Variants in PCMT1 observed in about 807,000 individuals in gnomAD.
PCMT1 encodes the protein protein-L-isoaspartate(D-aspartate) O-methyltransferase.
PCMT1 carries 9 observed loss-of-function variants against 29.2 expected under a neutral mutation model. The ratio of observed to expected loss-of-function variants is 0.31; its 90% confidence interval spans 0.19 to 0.54. The LOEUF is 0.54. PCMT1 is among the 20% of genes least tolerant of loss of function. The pLI, the probability that PCMT1 is intolerant of heterozygous loss-of-function variation, is 0.95. For synonymous variants in PCMT1, 98 were observed against 97.5 expected, an observed-to-expected ratio of 1.00 and a Z score of -0.03; for missense variants, 184 against 282.2, an observed-to-expected ratio of 0.65 and a Z score of 2.49.
intron 1 of PCMT1, chr6:149,750,186 G>GCCCCCACCAGCAGCGGC: frequency 1.6e-6 from 1 of 616,682 alleles, no homozygotes; most frequent in Non-Finnish European, 2.8e-6. Context: ...AGGGGCCGCT[G>GCCCCCACCAGCAGCGGC]CTGGTGGGGG....
intron 3 of PCMT1, among the ~76,000 whole-genome samples, chr6:149,783,950 C>T (rs1204843289): frequency 2.0e-5 from 3 of 152,206 alleles, no homozygotes; most frequent in Non-Finnish European, 4.4e-5. Flanking sequence ...CCACTTTGGC[C>T]TTTCAGAGCA....
intron 1 of PCMT1, among the ~76,000 whole-genome samples, chr6:149,750,537 A>G (rs954391204): frequency 3.9e-5 from 6 of 152,062 alleles, no homozygotes; most frequent in African/African-American, 9.7e-5. Context: ...GCTGGGAGAA[A>G]TTTCTCGGGC....
chr6:149,771,316 G>T (rs1292757539), intron 2 of PCMT1, 50 bp downstream of exon 2: 4 of 1,176,240 alleles, frequency 3.4e-6, no homozygotes. Flanking sequence ...TTTACTTTAT[G>T]ATTTTTGGAA....
intron 7 of PCMT1, among the ~76,000 whole-genome samples, chr6:149,804,880 T>C (rs1347125607): frequency 2.0e-5 from 3 of 152,092 alleles, no homozygotes; most frequent in Non-Finnish European, 2.9e-5. Flanking sequence ...GTTTTCTAAT[T>C]ATATAAACCT....
intron 7 of PCMT1, among the ~76,000 whole-genome samples, chr6:149,805,722 G>T (rs1434275119): frequency 6.6e-6 from 1 of 151,910 alleles, no homozygotes; most frequent in Non-Finnish European, 1.5e-5. Context: ...CGGATCACGA[G>T]GTCAGGAGAT....
intron 5 of PCMT1, chr6:149,795,550 G>T: frequency 2.0e-6 from 1 of 492,046 alleles, no homozygotes. Context: ...TTTGGATCTG[G>T]CCGAGAACAC....
At chr6:149,758,859 C>T (rs1463855518) in intron 1 of PCMT1, among the ~76,000 whole-genome samples, 1 of 151,990 alleles carries the variant, frequency 6.6e-6, no homozygotes, top group Non-Finnish European at 1.5e-5. Context: ...TAAAATTCTT[C>T]CTTAATTATA....
At chr6:149,789,066 A>ATGT (rs1788240930) in intron 3 of PCMT1, among the ~76,000 whole-genome samples, 7 of 90,474 alleles carry the variant, frequency 7.7e-5, no homozygotes, top group African/African-American at 2.9e-4. Context: ...ATTGGATCTG[A>ATGT]TTTTTTTTTT....
intron 4 of PCMT1, among the ~76,000 whole-genome samples, chr6:149,792,776 C>T (rs1293742705): frequency 6.6e-6 from 1 of 152,130 alleles, no homozygotes; most frequent in African/African-American, 2.4e-5. Context: ...GCCTCTGCCT[C>T]CCAAAGTGCT....
Position 149,769,332 on chromosome 6 carries a change from T to TG in PCMT1, c.56-1829dup, listed in dbSNP as rs1443175859. Among the ~76,000 whole-genome samples, 10 of 139,634 alleles carry TG rather than the reference T, an allele frequency of 7.2e-5. No homozygotes were observed. In the East Asian group the frequency reaches 1.7e-3, roughly 23 times the overall value. The allele number at this position is 139,634 out of a possible 152,430, so 91.6% of individuals were successfully genotyped here. A position where few individuals can be genotyped will look rare whatever the true frequency, so the allele number is the denominator to read the frequency against. ...TCTTTTTTTTTTTTTTTTTTTTTTT[T>TG]GAGACTGAGTCTTACTCTGTCACGC... is the stretch of plus-strand genomic sequence containing the variant. On this transcript the variant is annotated intron_variant, in intron 1 of 7. Transcript: ENST00000464889.
At chr6:149,766,963 C>T (rs1787110163) in intron 1 of PCMT1, among the ~76,000 whole-genome samples, 1 of 152,160 alleles carries the variant, frequency 6.6e-6, no homozygotes, top group Non-Finnish European at 1.5e-5. Context: ...GTAATCCCAG[C>T]ACTTTGGGAG....
intron 2 of PCMT1, chr6:149,772,113 G>T (rs1210738406): frequency 6.6e-6 from 3 of 456,606 alleles, no homozygotes; most frequent in Non-Finnish European, 8.8e-6. Context: ...TCAGGATTCT[G>T]TCAGTCGGCT....
chr6:149,750,183 G>A (rs1002721181), intron 1 of PCMT1: 8 of 622,756 alleles, frequency 1.3e-5, no homozygotes, highest in South Asian at 2.1e-5. Flanking sequence ...GCCAGGGGCC[G>A]CTGCTGGTGG....
rs151210947 is a variant in PCMT1, at chr6:149,758,152, A to G, written c.55+8196A>G. The stretch of plus-strand genomic sequence containing the variant: ...ACCCGACTTGGCCTCCCAAAGTGCT[A>G]GGATTACAGGAGTGAGCCACTGCGC... On this transcript the variant is annotated intron_variant, in intron 1 of 7. Coordinates refer to ENST00000464889, the MANE Select transcript of PCMT1 (RefSeq NM_001360452.2). Among the ~76,000 whole-genome samples the G allele has an allele frequency of 1.0e-3, 147 of 144,928 alleles. 1 individual carries two copies. Among genetic ancestry groups the G allele is most frequent in the African/African-American group, 3.6e-3 (141 of 39,140 alleles).
intron 1 of PCMT1, chr6:149,765,853 C>T (rs1344087215): frequency 5.8e-6 from 1 of 173,874 alleles, no homozygotes; most frequent in Admixed American, 6.3e-5. Flanking sequence ...GTAATCCCAG[C>T]TACTTAGGAG....
At chr6:149,778,068 G>C (rs568539436) in intron 3 of PCMT1, among the ~76,000 whole-genome samples, 1 of 151,482 alleles carries the variant, frequency 6.6e-6, no homozygotes, top group Non-Finnish European at 1.5e-5. Flanking sequence ...GTAGAGACAG[G>C]GTTTCGTCAC....
chr6:149,801,374 T>C (rs1775822146), intron 6 of PCMT1, among the ~76,000 whole-genome samples: 1 of 152,208 alleles, frequency 6.6e-6, no homozygotes, highest in African/African-American at 2.4e-5. Context: ...TGGTGTCATG[T>C]TGATGTTCAG....
chr6:149,786,987 C>T (rs1484448413), intron 3 of PCMT1, among the ~76,000 whole-genome samples: 1 of 127,340 alleles, frequency 7.9e-6, no homozygotes, highest in South Asian at 2.5e-4. Context: ...AGCCTGGGCA[C>T]CATTGAGCAC....
intron 5 of PCMT1, chr6:149,795,558 C>T: frequency 2.0e-6 from 1 of 500,280 alleles, no homozygotes; most frequent in Non-Finnish European, 3.6e-6. Context: ...TGGCCGAGAA[C>T]ACAACTTTAC....
Sources: allele counts gnomAD v4.1 joint callset (sites outside exome capture counted in the v4.1 genomes callset), GRCh38; gene constraint gnomAD v4.1.1; transcripts MANE v1.5; gene names NCBI Gene and HGNC (gene_info 2026-07-23, HGNC 2026-07-21).